The following GABRG3 variants were observed in gnomAD, a reference collection of about 807,000 sequenced individuals.
GABRG3 encodes the protein gamma-aminobutyric acid receptor subunit gamma-3.
GABRG3 carries 25 observed loss-of-function variants against 48.8 expected under a neutral mutation model. That is an observed-to-expected ratio of 0.51 (90% CI 0.37 to 0.72). The LOEUF (loss-of-function observed/expected upper bound fraction) is 0.72, where lower values mean the gene tolerates loss of function less well. Among genes scored for constraint, GABRG3 ranks in the 30% least tolerant of loss-of-function variants. The pLI, the probability that GABRG3 is intolerant of heterozygous loss-of-function variation, is 0.00. For synonymous variants in GABRG3, 227 were observed against 217.6 expected (o/e 1.04, Z -0.38); for missense variants, 394 against 577.9 (o/e 0.68, Z 3.26).
intron 2 of GABRG3, among the ~76,000 whole-genome samples, chr15:26,991,775 C>A (rs1895253723): frequency 6.6e-6 from 1 of 151,958 alleles, no homozygotes; most frequent in Admixed American, 6.6e-5. Flanking sequence ...GGCTGGGGTG[C>A]AGTGGCATGA....
chr15:27,321,111 CT>C (rs1330780026), intron 3 of GABRG3, among the ~76,000 whole-genome samples: 1 of 152,210 alleles, frequency 6.6e-6, no homozygotes, highest in Non-Finnish European at 1.5e-5. Flanking sequence ...GCCTGGTGGT[CT>C]GGGGACCAGA....
In GABRG3 at chr15:26,976,337, G is replaced by A. The variant is rs1894943692; in HGVS notation, c.54-665G>A. 6.6e-6 allele frequency among the ~76,000 whole-genome samples: 1 copy of A among 152,226 alleles called. No individual in the cohort carries two copies. Among genetic ancestry groups the A allele is most frequent in the African/African-American group, 2.4e-5 (1 of 41,464 alleles). On this transcript the variant is annotated intron_variant, in intron 1 of 9. Transcript: ENST00000615808. This position sits in a 1 kb window ranked among gnomAD's most constrained non-coding sequence, Gnocchi z 7.8. ...TAGTTCTTCATGTCTGTGTTAGCCT[G>A]CTGTGCAGGAGATGAATCAGTTTGT...
At chr15:26,989,463 T>G (rs1895208881) in intron 2 of GABRG3, among the ~76,000 whole-genome samples, 1 of 152,212 alleles carries the variant, frequency 6.6e-6, no homozygotes, top group Admixed American at 6.5e-5. Context: ...ATTTAGTTTT[T>G]GACCGATTTT....
chr15:27,392,113 A>G lies in GABRG3; in HGVS notation c.574+63225A>G, dbSNP rs111298882. On this transcript the variant is annotated intron_variant, in intron 5 of 9. Transcript: ENST00000615808. ...AGACAGCACAGCATTTCCACATACC[A>G]CATCCCCATTATCCCCACTGTTAAC... Among the ~76,000 whole-genome samples, 1,121 of 152,322 alleles carry G rather than the reference A, an allele frequency of 7.4e-3. 31 individuals are homozygous for G. Among genetic ancestry groups the G allele is most frequent in the African/African-American group, 0.024 (986 of 41,568 alleles).
chr15:27,489,640 T>C (rs1205177840), intron 6 of GABRG3, among the ~76,000 whole-genome samples: 1 of 152,236 alleles, frequency 6.6e-6, no homozygotes, highest in Non-Finnish European at 1.5e-5. Flanking sequence ...ATGATGAGCT[T>C]TTTTTCATGT....
At chr15:27,242,697 G>C (rs2140454567) in intron 3 of GABRG3, among the ~76,000 whole-genome samples, 2 of 152,314 alleles carry the variant, frequency 1.3e-5, no homozygotes, top group South Asian at 4.1e-4. Flanking sequence ...TGACAGAGTA[G>C]GATGAAGAAT....
chr15:27,388,216 G>GA (rs1896055489), intron 5 of GABRG3, among the ~76,000 whole-genome samples: 1 of 57,184 alleles, frequency 1.7e-5, no homozygotes, highest in African/African-American at 7.6e-5. Context: ...AAGGAAAGGA[G>GA]GAAGGAAGGA....
At chr15:27,095,522 C>T (rs953386918) in intron 3 of GABRG3, among the ~76,000 whole-genome samples, 7 of 152,090 alleles carry the variant, frequency 4.6e-5, no homozygotes, top group African/African-American at 1.7e-4. Context: ...CAGTGAACTT[C>T]TTCCTCGTGG....
intron 5 of GABRG3, among the ~76,000 whole-genome samples, chr15:27,449,782 G>A (rs1434462020): frequency 1.3e-5 from 2 of 152,120 alleles, no homozygotes; most frequent in African/African-American, 4.8e-5. Flanking sequence ...TGAGTCGTAC[G>A]GCAGTCAATT....
chr15:27,235,248 A>G (rs1769931635), intron 3 of GABRG3, among the ~76,000 whole-genome samples: 2 of 152,242 alleles, frequency 1.3e-5, no homozygotes, highest in Non-Finnish European at 2.9e-5. Context: ...AGGTGTAGTC[A>G]GTATACCTAT....
intron 3 of GABRG3, among the ~76,000 whole-genome samples, chr15:27,263,052 G>C (rs899660361): frequency 5.9e-5 from 9 of 152,160 alleles, no homozygotes; most frequent in African/African-American, 2.2e-4. Context: ...ACTTTGGAAA[G>C]GGAACCATCA....
intron 5 of GABRG3, among the ~76,000 whole-genome samples, chr15:27,372,942 A>G (rs1895462519): frequency 1.3e-5 from 2 of 152,194 alleles, no homozygotes; most frequent in South Asian, 2.1e-4. Flanking sequence ...TTGCTTGGCA[A>G]TGACTTCAGC....
chr15:27,308,036 T>C (rs987487266), intron 3 of GABRG3, among the ~76,000 whole-genome samples: 2 of 138,416 alleles, frequency 1.4e-5, no homozygotes, highest in African/African-American at 5.3e-5. Context: ...CATGTTTATA[T>C]GTAAATGTAT....
Position 27,248,803 on chromosome 15 carries a change from C to CACACAGAGAG in GABRG3, c.271-78005_271-78004insCACAGAGAGA, listed in dbSNP as rs1377080195. Among the ~76,000 whole-genome samples the CACACAGAGAG allele has an allele frequency of 5.6e-3, 619 of 110,164 alleles. 7 individuals are homozygous for CACACAGAGAG. Among genetic ancestry groups the CACACAGAGAG allele is most frequent in the African/African-American group, 0.023 (588 of 25,588 alleles). The allele number at this position is 110,164 out of a possible 152,430, so 72.3% of individuals were successfully genotyped here. On this transcript the variant is annotated intron_variant, in intron 3 of 9. Coordinates refer to ENST00000615808, the MANE Select transcript of GABRG3 (RefSeq NM_033223.5). ...ACACACACACACACACACACACACA[C>CACACAGAGAG]AGAGAGAGAGAGAGAGAGAGAGAGA...
intron 3 of GABRG3, among the ~76,000 whole-genome samples, chr15:27,317,400 T>A (rs1170010049): frequency 6.6e-6 from 1 of 152,210 alleles, no homozygotes; most frequent in African/African-American, 2.4e-5. Flanking sequence ...GGCCTTCTAG[T>A]ATGCAAGCCT....
At chr15:27,056,900 A>C (rs1263956964) in intron 3 of GABRG3, among the ~76,000 whole-genome samples, 1 of 152,176 alleles carries the variant, frequency 6.6e-6, no homozygotes, top group Non-Finnish European at 1.5e-5. Flanking sequence ...CCTTCTCATC[A>C]TCTAGTTCCT....
chr15:27,087,925 G>A (rs1897108327), intron 3 of GABRG3, among the ~76,000 whole-genome samples: 3 of 146,060 alleles, frequency 2.1e-5, no homozygotes, highest in African/African-American at 7.4e-5. Context: ...GTGCTGTGGT[G>A]TGTGTGTGAT....
intron 5 of GABRG3, among the ~76,000 whole-genome samples, chr15:27,415,428 G>A (rs1419937744): frequency 6.6e-6 from 1 of 151,890 alleles, no homozygotes; most frequent in Non-Finnish European, 1.5e-5. Context: ...TCGCCCATCT[G>A]TTCTTGCGTG....
intron 5 of GABRG3, among the ~76,000 whole-genome samples, chr15:27,399,503 T>G (rs1887416882): frequency 6.6e-6 from 1 of 152,212 alleles, no homozygotes; most frequent in South Asian, 2.1e-4. Flanking sequence ...CAGACATACC[T>G]AGTAACATTT....
Sources: allele counts gnomAD v4.1 joint callset (sites outside exome capture counted in the v4.1 genomes callset), GRCh38; gene constraint gnomAD v4.1.1; non-coding constraint Gnocchi (gnomAD v3.1); transcripts MANE v1.5; gene names NCBI Gene and HGNC (gene_info 2026-07-23, HGNC 2026-07-21).